Variants in CSMD1 observed in about 807,000 individuals in gnomAD.
CSMD1 encodes CUB and sushi domain-containing protein 1.
In CSMD1, 213 loss-of-function variants were observed where a neutral mutation model predicts 417.5. That is an observed-to-expected ratio of 0.51 (90% CI 0.46 to 0.57). CSMD1 has a LOEUF of 0.57. CSMD1 is among the 20% of genes least tolerant of loss of function. The pLI, the probability that CSMD1 is intolerant of heterozygous loss-of-function variation, is 0.00. For synonymous variants in CSMD1, 2,862 were observed against 1,736.8 expected, an observed-to-expected ratio of 1.65 and a Z score of -16.11; for missense variants, 6,923 against 4,529.7, an observed-to-expected ratio of 1.53 and a Z score of -15.17.
At chr8:3,137,993 G>A (rs1489477866) in intron 41 of CSMD1, among the ~76,000 whole-genome samples, 6 of 152,246 alleles carry the variant, frequency 3.9e-5, no homozygotes, top group Non-Finnish European at 8.8e-5. Context: ...GGGAGGATGA[G>A]GAGGGCAAAT....
intron 19 of CSMD1, among the ~76,000 whole-genome samples, chr8:3,368,549 G>A (rs1350885900): frequency 6.6e-6 from 1 of 152,132 alleles, no homozygotes; most frequent in African/African-American, 2.4e-5. Flanking sequence ...ATATTGGCTA[G>A]TCTGGTCTGG....
chr8:4,735,437 C>T lies in CSMD1; in HGVS notation c.86-97879G>A, dbSNP rs373567673. The stretch of plus-strand genomic sequence containing the variant: ...TTTTCAGTAAGGGAGAGGATTATTA[C>T]GTAGATCTGCAAGTGTTGTAGGACG... On this transcript the variant is annotated intron_variant, in intron 1 of 69. Transcript: ENST00000635120. 5.9e-5 allele frequency among the ~76,000 whole-genome samples: 9 copies of T among 152,106 alleles called. No homozygotes were observed. The East Asian group carries it at 7.7e-4, about 13-fold the overall frequency.
rs1024690765 is a variant in CSMD1, at chr8:3,396,509, T to A, written c.2406-128A>T. The stretch of plus-strand genomic sequence containing the variant: ...CATGAAGAAAATAGTTGAAATTACA[T>A]ATGCTTAAAACTTGGGTACAAATAT... On this transcript the variant is annotated intron_variant, in intron 16 of 69. Transcript: ENST00000635120. 1.6e-5 allele frequency: 10 copies of A among 643,188 alleles called. No homozygotes were observed. The African/African-American group carries it at 1.9e-4, about 12-fold the overall frequency. The allele number at this position is 643,188 out of a possible 1,614,324, so 39.8% of individuals were successfully genotyped here. A position where few individuals can be genotyped will look rare whatever the true frequency, so the allele number is the denominator to read the frequency against.
chr8:3,369,733 A>G (rs543822820), intron 18 of CSMD1, among the ~76,000 whole-genome samples: 2 of 152,348 alleles, frequency 1.3e-5, no homozygotes, highest in South Asian at 4.1e-4. Context: ...AAACCATGTC[A>G]TGTTCAAACA....
chr8:4,377,946 A>G (rs1295876762), intron 3 of CSMD1, among the ~76,000 whole-genome samples: 2 of 152,212 alleles, frequency 1.3e-5, no homozygotes, highest in African/African-American at 4.8e-5. Flanking sequence ...GGCCCTCATA[A>G]TATTGATTAT....
At chr8:4,022,085 C>CCA (rs201705205) in intron 4 of CSMD1, among the ~76,000 whole-genome samples, 5 of 113,518 alleles carry the variant, frequency 4.4e-5, no homozygotes, top group Non-Finnish European at 7.8e-5. Context: ...GAGCATGTAT[C>CCA]CACACACACA....
At chr8:3,100,208 C>G (rs371070619) in intron 46 of CSMD1, among the ~76,000 whole-genome samples, 4 of 152,092 alleles carry the variant, frequency 2.6e-5, no homozygotes, top group Non-Finnish European at 4.4e-5. Context: ...CACACCACCC[C>G]TCCTGGCTAA....
At chr8:3,540,932 G>A (rs1039162932) in intron 10 of CSMD1, among the ~76,000 whole-genome samples, 2 of 152,222 alleles carry the variant, frequency 1.3e-5, no homozygotes, top group African/African-American at 4.8e-5. Context: ...CTGTTGGTGG[G>A]AATGTAACTT....
chr8:4,786,707 G>C (rs967007611), intron 1 of CSMD1, among the ~76,000 whole-genome samples: 1 of 152,030 alleles, frequency 6.6e-6, no homozygotes, highest in Admixed American at 6.5e-5. Flanking sequence ...CAACATGCAA[G>C]AACAATTTGT....
At chr8:3,900,983 T>G in intron 5 of CSMD1, among the ~76,000 whole-genome samples, 1 of 152,224 alleles carries the variant, frequency 6.6e-6, no homozygotes, top group East Asian at 1.9e-4. Context: ...ACTTTATGAT[T>G]TTTCATTATT....
At chr8:4,426,360 T>A (rs555289520) in intron 2 of CSMD1, among the ~76,000 whole-genome samples, 2 of 150,360 alleles carry the variant, frequency 1.3e-5, no homozygotes, top group East Asian at 3.9e-4. Context: ...TTGAAAATCC[T>A]TTTTATATAT....
intron 3 of CSMD1, among the ~76,000 whole-genome samples, chr8:4,226,208 T>C (rs1183233648): frequency 1.3e-5 from 2 of 152,110 alleles, no homozygotes; most frequent in Non-Finnish European, 2.9e-5. Context: ...CTAACCACTC[T>C]TTACCTTGAA....
chr8:4,136,793 T>TA (rs1343959009), intron 3 of CSMD1, among the ~76,000 whole-genome samples: 10 of 152,208 alleles, frequency 6.6e-5, no homozygotes, highest in African/African-American at 1.9e-4. Context: ...TTGGACTCAA[T>TA]AATTTGTAAG....
intron 10 of CSMD1, among the ~76,000 whole-genome samples, chr8:3,532,036 G>A (rs80339635): frequency 0.032 from 4,944 of 152,260 alleles, 114 homozygotes; most frequent in Admixed American, 0.064. Flanking sequence ...AGTTTTTCAT[G>A]CCCTGTCTAG....
chr8:4,339,439 G>A (rs1029084461), intron 3 of CSMD1, among the ~76,000 whole-genome samples: 5 of 152,102 alleles, frequency 3.3e-5, no homozygotes, highest in Admixed American at 2.0e-4. Flanking sequence ...AGAGGCTGGT[G>A]TTTGAATCAG....
At chr8:4,932,922 T>C (rs1319532343) in intron 1 of CSMD1, among the ~76,000 whole-genome samples, 2 of 152,206 alleles carry the variant, frequency 1.3e-5, no homozygotes, top group African/African-American at 4.8e-5. Flanking sequence ...TAATAGTGAA[T>C]TAAATTATTA....
intron 3 of CSMD1, among the ~76,000 whole-genome samples, chr8:4,100,504 A>C (rs948641753): frequency 2.6e-5 from 4 of 152,170 alleles, no homozygotes; most frequent in Non-Finnish European, 5.9e-5. Flanking sequence ...TCAACTATAA[A>C]ATGGATTAAA....
chr8:4,783,803 C>G (rs1282747060), intron 1 of CSMD1, among the ~76,000 whole-genome samples: 1 of 152,172 alleles, frequency 6.6e-6, no homozygotes, highest in African/African-American at 2.4e-5. Context: ...GGCTTTGACA[C>G]AAGGCATCAA....
chr8:4,787,688 TGGA>T, intron 1 of CSMD1: 1 of 1,590,190 alleles, frequency 6.3e-7, no homozygotes, highest in Non-Finnish European at 8.6e-7. Flanking sequence ...CCACCTAAAG[TGGA>T]GTTGTTTTTC....
Sources: gnomAD v4.1 joint callset for allele counts (sites outside exome capture counted in the v4.1 genomes callset) on GRCh38, gnomAD v4.1.1 for gene constraint, MANE v1.5 for transcripts, NCBI Gene and HGNC (gene_info 2026-07-23, HGNC 2026-07-21) for gene names.